NDUFAB1: variants seen among roughly 807,000 people sequenced by gnomAD.
NDUFAB1 encodes the protein NADH:ubiquinone oxidoreductase subunit AB1.
Under a neutral mutation model 16.1 loss-of-function variants are expected in NDUFAB1, and 5 were observed. That is an observed-to-expected ratio of 0.31 (90% CI 0.16 to 0.65). NDUFAB1 has a LOEUF of 0.65. Ranked by LOEUF, NDUFAB1 falls within the 30% of genes least tolerant of loss-of-function variation. NDUFAB1 has a pLI of 0.77. For missense variants in NDUFAB1, 187 were observed against 205.3 expected (o/e 0.91, Z 0.54); for synonymous variants, 85 against 78.4 (o/e 1.08, Z -0.44).
At chr16:23,592,536 C>G (rs1966289461) in intron 1 of NDUFAB1, among the ~76,000 whole-genome samples, 2 of 151,706 alleles carry the variant, frequency 1.3e-5, no homozygotes, top group African/African-American at 2.4e-5. Context: ...GAATAGCTAG[C>G]TTTTTTTTGT....
intron 4 of NDUFAB1, 185 bp downstream of exon 4, chr16:23,582,091 A>G (rs1287874061): frequency 1.2e-5 from 7 of 562,144 alleles, no homozygotes; most frequent in East Asian, 3.8e-5. Flanking sequence ...ACAGTTCTCA[A>G]CCTCTCAAAG....
At chr16:23,581,845 GCTGAGAATAAACTTGGGTGTCT>G (rs1429732187) in intron 4 of NDUFAB1, 1 of 153,058 alleles carries the variant, frequency 6.5e-6, no homozygotes, top group Non-Finnish European at 1.5e-5. Flanking sequence ...GTGTGGCAAA[GCTGAGAATAAACTTGGGTGTCT>G]CTGACTCCAA....
At chr16:23,582,500 A>G (rs1343801495) in intron 3 of NDUFAB1, 125 bp from the exon 4 acceptor site, 7 of 1,292,184 alleles carry the variant, frequency 5.4e-6, no homozygotes, top group South Asian at 4.0e-5. Flanking sequence ...TGAATCCCAT[A>G]TAGGTTGTGG....
At chr16:23,594,239 G>C (rs1966303709) in intron 1 of NDUFAB1, among the ~76,000 whole-genome samples, 1 of 152,004 alleles carries the variant, frequency 6.6e-6, no homozygotes, top group Admixed American at 6.6e-5. Context: ...ACAGGGCAGT[G>C]CCCAATGAAT....
At chr16:23,587,087 G>C in intron 2 of NDUFAB1, 110 bp downstream of exon 2, 1 of 1,090,968 alleles carries the variant, frequency 9.2e-7, no homozygotes. Flanking sequence ...ATGGGCCTGG[G>C]TGTCTGGGAG....
chr16:23,582,319 C>T lies in NDUFAB1; in HGVS notation c.436G>A (p.Asp146Asn). The change falls in exon 4 of 5, where the codon GAT becomes AAT. Residue 146 changes from aspartate to asparagine, a missense_variant. Coordinates refer to ENST00000007516, the MANE Select transcript of NDUFAB1 (RefSeq NM_005003.3). ...ACATCCTTCTTATCTGCAATGTAAT[C>T]TACAATTTCTTGTGGACACATTAAC... ...EKLMCPQEIV[D>N]YIADKKDVYE is the part of the protein sequence containing the mutation. 10 of 1,578,078 alleles carry T rather than the reference C, an allele frequency of 6.3e-6. No individual in the cohort carries two copies. Among genetic ancestry groups the T allele is most frequent in the South Asian group, 2.4e-5 (2 of 84,252 alleles).
At chr16:23,590,643 T>TC (rs372802871) in intron 1 of NDUFAB1, among the ~76,000 whole-genome samples, 1 of 149,120 alleles carries the variant, frequency 6.7e-6, no homozygotes, top group Non-Finnish European at 1.5e-5. Flanking sequence ...GGTCTCTTTT[T>TC]TTTTTTTTTT....
chr16:23,589,942 GAAA>G (rs57098255), intron 1 of NDUFAB1, among the ~76,000 whole-genome samples: 1,431 of 70,472 alleles, frequency 0.02, 7 homozygotes, highest in Middle Eastern at 0.031. Context: ...TCTCCAAAAA[GAAA>G]AAAAAAAAAA....
chr16:23,584,231 G>C (rs1403329104), intron 3 of NDUFAB1, among the ~76,000 whole-genome samples: 1 of 43,204 alleles, frequency 2.3e-5, no homozygotes, highest in Non-Finnish European at 4.9e-5. Flanking sequence ...CCCCCTCTGC[G>C]AGAAACACCC....
At chr16:23,592,395 G>A (rs1277543321) in intron 1 of NDUFAB1, among the ~76,000 whole-genome samples, 1 of 151,206 alleles carries the variant, frequency 6.6e-6, no homozygotes, top group Non-Finnish European at 1.5e-5. Flanking sequence ...TATGTGAGAA[G>A]ACATCAGCTC....
intron 1 of NDUFAB1, among the ~76,000 whole-genome samples, chr16:23,590,638 CTTT>C (rs398042088): frequency 1.5e-5 from 2 of 131,840 alleles, no homozygotes; most frequent in Non-Finnish European, 1.6e-5. Context: ...CCTCTGGTCT[CTTT>C]TTTTTTTTTT....
rs750627792 is a variant in NDUFAB1 at position 23,587,284 on chromosome 16, A to G, written c.204T>C (p.Tyr68=). The change falls in exon 2 of 5, where the codon TAT becomes TAC. Residue 68 remains tyrosine, a synonymous_variant. Transcript: ENST00000007516. Reference sequence around the variant, plus strand: ...CTAACGTCAAAGGAGGCATGTCGCTATACTGGCGGCACAACTGTGTAACTC... The same window carrying G: ...CTAACGTCAAAGGAGGCATGTCGCTGTACTGGCGGCACAACTGTGTAACTC... ...PGRVTQLCRQ[Y]SDMPPLTLEG... The G allele has an allele frequency of 3.7e-6, 6 of 1,614,116 alleles. No homozygotes were observed. Among genetic ancestry groups the G allele is most frequent in the Non-Finnish European group, 4.2e-6 (5 of 1,179,952 alleles).
chr16:23,581,460 T>G (rs1204214673), intron 4 of NDUFAB1, among the ~76,000 whole-genome samples: 1 of 151,524 alleles, frequency 6.6e-6, no homozygotes, highest in Non-Finnish European at 1.5e-5. Context: ...GCCGGAGAAT[T>G]GCTTGAACCC....
intron 2 of NDUFAB1, among the ~76,000 whole-genome samples, chr16:23,586,263 C>T (rs1018756354): frequency 6.6e-6 from 1 of 151,416 alleles, no homozygotes; most frequent in Admixed American, 6.6e-5. Flanking sequence ...TAATTTAGAC[C>T]TCAGGATCAC....
chr16:23,584,817 A>G (rs893805921), intron 3 of NDUFAB1, among the ~76,000 whole-genome samples: 1 of 152,134 alleles, frequency 6.6e-6, no homozygotes, highest in Non-Finnish European at 1.5e-5. Flanking sequence ...TATTCAGCCA[A>G]CTCACGCAGA....
intron 3 of NDUFAB1, among the ~76,000 whole-genome samples, chr16:23,584,126 G>GC (rs1966209808): frequency 1.3e-5 from 2 of 150,692 alleles, no homozygotes; most frequent in African/African-American, 4.9e-5. Context: ...ACTGCGGAAG[G>GC]CCCCAGGGTC....
At chr16:23,581,206 T>C (rs1221747416) in intron 4 of NDUFAB1, 33 bp from the exon 5 acceptor site, 2 of 152,490 alleles carry the variant, frequency 1.3e-5, no homozygotes, top group Non-Finnish European at 2.9e-5. Context: ...AATGTTATTT[T>C]TGATGTATTC....
At chr16:23,581,226 A>G (rs960043476) in intron 4 of NDUFAB1, 53 bp from the exon 5 acceptor site, 8 of 152,316 alleles carry the variant, frequency 5.3e-5, no homozygotes, top group African/African-American at 1.7e-4. Flanking sequence ...CTTACTAATG[A>G]TAAGTGACAT....
At chr16:23,585,482 A>T in intron 2 of NDUFAB1, 59 bp from the exon 3 acceptor site, 1 of 1,210,614 alleles carries the variant, frequency 8.3e-7, no homozygotes. Context: ...GCTTCCCAAG[A>T]TAACAGGGTG....
Sources: allele counts gnomAD v4.1 joint callset (sites outside exome capture counted in the v4.1 genomes callset), GRCh38; gene constraint gnomAD v4.1.1; transcripts MANE v1.5; gene names NCBI Gene and HGNC (gene_info 2026-07-23, HGNC 2026-07-21).